DES: variants seen among roughly 807,000 people sequenced by gnomAD.
The protein encoded by DES is cardiomyopathy, dilated 1F (autosomal dominant).
Under a neutral mutation model 55.1 loss-of-function variants are expected in DES, and 34 were observed. The observed-to-expected ratio is 0.62, with a 90% CI of 0.47 to 0.82. The LOEUF is 0.82. Among genes scored for constraint, DES ranks in the 40% least tolerant of loss-of-function variants. The probability of loss-of-function intolerance (pLI) is 0.00; values close to 1 mark genes in which losing one functional copy is unlikely to be tolerated. For missense variants in DES, 596 were observed against 645.9 expected (o/e 0.92, Z 0.84); for synonymous variants, 259 against 270.8 (o/e 0.96, Z 0.43).
intron 7 of DES, among the ~76,000 whole-genome samples, chr2:219,424,669 C>A (rs895673648): frequency 6.6e-6 from 1 of 152,186 alleles, no homozygotes; most frequent in African/African-American, 2.4e-5. Context: ...TATACAGACA[C>A]CAAGTATGAG....
Position 219,426,259 on chromosome 2 carries a change from G to T in DES, c.*269G>T. ...AGTGAGCCTGGCTCTTGTGCTGGAT[G>T]GAGCCCAGGCGGGAGCGGTGGCCCT... On this transcript the variant is annotated 3_prime_UTR_variant, in exon 9 of 9. Transcript: ENST00000373960. This position sits in a 1 kb window ranked among gnomAD's most constrained non-coding sequence, Gnocchi z 4.5. The T allele has an allele frequency of 1.6e-6, 1 of 607,794 alleles. No individual in the cohort carries two copies. Among genetic ancestry groups the T allele is most frequent in the South Asian group, 1.9e-5 (1 of 53,970 alleles). 37.7% of individuals were successfully genotyped at this position (607,794 alleles called of 1,614,324 possible).
chr2:219,419,961 CT>C lies in DES; in HGVS notation c.579-133del. ...TGGGTGGGGCCTCTCCACTCCCTGT[CT>C]CTCCTGCCTCTACCCAGCAGCCAGG... On this transcript the variant is annotated intron_variant, in intron 1 of 8. Coordinates refer to ENST00000373960, the MANE Select transcript of DES (RefSeq NM_001927.4). The surrounding 1 kb of genome is among the most constrained non-coding windows in gnomAD (Gnocchi z 4.3). 1 of 915,480 alleles carries C rather than the reference CT, an allele frequency of 1.1e-6. No homozygotes were observed. Among genetic ancestry groups the C allele is most frequent in the African/African-American group, 1.6e-5 (1 of 61,170 alleles). The allele number at this position is 915,480 out of a possible 1,614,324, so 56.7% of individuals were successfully genotyped here. A position where few individuals can be genotyped will look rare whatever the true frequency, so the allele number is the denominator to read the frequency against.
In DES at chr2:219,420,575, C is replaced by T. The variant is rs759823001; in HGVS notation, c.816C>T (p.Ala272=). ...ACATGTCTAAGCCAGACCTCACTGC[C>T]GCCCTCAGGGACATCCGGGCTCAGT... is the stretch of plus-strand genomic sequence containing the variant. ...EMDMSKPDLT[A]ALRDIRAQYE... Residue 272 remains alanine (A), a synonymous_variant, in exon 4 of 9, where the codon GCC becomes GCT. Transcript: ENST00000373960. The surrounding 1 kb of genome is among the most constrained non-coding windows in gnomAD (Gnocchi z 6.0). 7.4e-6 allele frequency: 12 copies of T among 1,613,938 alleles called. No homozygotes were observed. The highest frequency in any genetic ancestry group is 2.7e-5 in the African/African-American group (2 of 74,980).
chr2:219,423,945 G>C, intron 7 of DES, 125 bp downstream of exon 7: 1 of 1,081,768 alleles, frequency 9.2e-7, no homozygotes, highest in Non-Finnish European at 1.4e-6. Context: ...GGAGTCTGGG[G>C]AAGAAAAAGG....
At chr2:219,424,178 C>G (rs1332340330) in intron 7 of DES, among the ~76,000 whole-genome samples, 1 of 152,236 alleles carries the variant, frequency 6.6e-6, no homozygotes, top group East Asian at 1.9e-4. Context: ...CACCTGCCCT[C>G]TAAGACACCC....
chr2:219,422,023 G>T (rs571890006), intron 6 of DES, among the ~76,000 whole-genome samples: 3 of 152,242 alleles, frequency 2.0e-5, no homozygotes, highest in Admixed American at 2.0e-4. Flanking sequence ...ATTAACCAAG[G>T]CCACCTGGGT....
chr2:219,424,130 A>T (rs1954494763), intron 7 of DES, among the ~76,000 whole-genome samples: 1 of 152,230 alleles, frequency 6.6e-6, no homozygotes, highest in South Asian at 2.1e-4. Flanking sequence ...TGAAAGCAGG[A>T]GTGTCCTTGG....
At chr2:219,421,249 A>T in intron 5 of DES, 91 bp from the exon 6 acceptor site, 1 of 1,387,768 alleles carries the variant, frequency 7.2e-7, no homozygotes, top group Non-Finnish European at 1.0e-6. Context: ...CCTGGACCTG[A>T]CCATCTGGAG....
Position 219,420,448 on chromosome 2 carries a change from G to A in DES, c.736-47G>A. On this transcript the variant is annotated intron_variant, in intron 3 of 8. Coordinates refer to ENST00000373960, the MANE Select transcript of DES (RefSeq NM_001927.4). The surrounding 1 kb of genome is among the most constrained non-coding windows in gnomAD (Gnocchi z 6.0). ...TGGCTGGGAATAGGGGTGTGAGGGT[G>A]CTGTGTGGGCCCTGAGAGGGGACTG... 1 of 1,613,494 alleles carries A rather than the reference G, an allele frequency of 6.2e-7. No individual in the cohort carries two copies. The highest frequency in any genetic ancestry group is 8.5e-7 in the Non-Finnish European group (1 of 1,179,646).
At chr2:219,421,292 G>A (rs759235297) in intron 5 of DES, 48 bp from the exon 6 acceptor site, 2 of 1,604,884 alleles carry the variant, frequency 1.2e-6, no homozygotes, top group Non-Finnish European at 1.7e-6. Flanking sequence ...TCTTTGGGCT[G>A]CTAGTGTCCT....
rs867868245 is a variant in DES, at chr2:219,426,017, C to T, written c.*27C>T. ...GACAGAGACCCTCTGCCACCAGAGA[C>T]CGTCCTCACCCCTGTCCTCACTGCT... On this transcript the variant is annotated 3_prime_UTR_variant, in exon 9 of 9. Coordinates refer to ENST00000373960, the MANE Select transcript of DES (RefSeq NM_001927.4). The surrounding 1 kb of genome is among the most constrained non-coding windows in gnomAD (Gnocchi z 4.5). 1 of 1,613,700 alleles carries T rather than the reference C, an allele frequency of 6.2e-7. No homozygotes were observed. The highest frequency in any genetic ancestry group is 8.5e-7 in the Non-Finnish European group (1 of 1,179,768).
chr2:219,422,399 A>G (rs183391053), intron 6 of DES, among the ~76,000 whole-genome samples: 94 of 152,244 alleles, frequency 6.2e-4, no homozygotes, highest in Non-Finnish European at 1.0e-3. Flanking sequence ...CTAGACACAG[A>G]AAACAACATA....
In DES at chr2:219,420,882, A is replaced by C. The variant is rs1442066273; in HGVS notation, c.952A>C (p.Lys318Gln). Reference sequence around the variant, plus strand: ...GAACAACGACGCCCTGCGCCAGGCCAAGCAGGAGATGATGGAATACCGACA... The same window carrying C: ...GAACAACGACGCCCTGCGCCAGGCCCAGCAGGAGATGATGGAATACCGACA... ...NKNNDALRQA[K>Q]QEMMEYRHQI... The change falls in exon 5 of 9, where the codon AAG becomes CAG. Residue 318 changes from lysine to glutamine, a missense_variant. Physicochemically the swap from Lys to Gln is moderately conservative, Grantham distance 53 (BLOSUM62 1). Transcript: ENST00000373960. This position sits in a 1 kb window ranked among gnomAD's most constrained non-coding sequence, Gnocchi z 6.0. 1.2e-6 allele frequency: 2 copies of C among 1,613,922 alleles called. No individual in the cohort carries two copies. The highest frequency in any genetic ancestry group is 1.7e-6 in the Non-Finnish European group (2 of 1,179,998).
rs540351476 is a variant in DES at position 219,426,102 on chromosome 2, C to G, written c.*112C>G. Reference sequence around the variant, plus strand: ...ACACCCAGCCTCAGTCCTCCCCTCACAGCCTCTGACCCCTCCTCACTGGCC... The same window carrying G: ...ACACCCAGCCTCAGTCCTCCCCTCAGAGCCTCTGACCCCTCCTCACTGGCC... On this transcript the variant is annotated 3_prime_UTR_variant, in exon 9 of 9. Transcript: ENST00000373960. The surrounding 1 kb of genome is among the most constrained non-coding windows in gnomAD (Gnocchi z 4.5). 101 of 1,214,958 alleles carry G rather than the reference C, an allele frequency of 8.3e-5. No homozygotes were observed. In the East Asian group the frequency reaches 2.1e-3, roughly 25 times the overall value. 75.3% of individuals were successfully genotyped at this position (1,214,958 alleles called of 1,614,324 possible).
chr2:219,424,053 C>G (rs971897105), intron 7 of DES, among the ~76,000 whole-genome samples: 2 of 152,186 alleles, frequency 1.3e-5, no homozygotes, highest in African/African-American at 4.8e-5. Context: ...TTGTATTTAC[C>G]ATGTCCCCTG....
rs750873616 is a variant in DES at position 219,419,402 on chromosome 2, A to T, written c.578+362A>T. ...GCAGAGGAAGGGCTGCAGGAGGCCC[A>T]GAGGGCAGTGTAGCCAGAGGGAGAA... On this transcript the variant is annotated intron_variant, in intron 1 of 8. Transcript: ENST00000373960. The surrounding 1 kb of genome is among the most constrained non-coding windows in gnomAD (Gnocchi z 4.3). Among the ~76,000 whole-genome samples, 13 of 152,028 alleles carry T rather than the reference A, an allele frequency of 8.6e-5. No homozygotes were observed. Among genetic ancestry groups the T allele is most frequent in the Non-Finnish European group, 1.0e-4 (7 of 67,982 alleles).
In DES at chr2:219,420,072, G is replaced by A. The variant is rs773962747; in HGVS notation, c.579-23G>A. On this transcript the variant is annotated intron_variant, in intron 1 of 8. Coordinates refer to ENST00000373960, the MANE Select transcript of DES (RefSeq NM_001927.4). This position sits in a 1 kb window ranked among gnomAD's most constrained non-coding sequence, Gnocchi z 6.0. ...CCAGCTTTATCACCCGCAACTGTCT[G>A]TCTTTCTGTCTGTCCCACCCAGGCT... 2.5e-6 allele frequency: 4 copies of A among 1,613,930 alleles called. No homozygotes were observed. Among genetic ancestry groups the A allele is most frequent in the Admixed American group, 1.7e-5 (1 of 59,990 alleles).
At chr2:219,424,518 C>T (rs780627711) in intron 7 of DES, among the ~76,000 whole-genome samples, 7 of 152,210 alleles carry the variant, frequency 4.6e-5, no homozygotes, top group Non-Finnish European at 8.8e-5. Flanking sequence ...AAAAAAAACA[C>T]GCTGCGCTCC....
At position 219,425,941 on chromosome 2, in the gene DES, C is replaced by T. The variant is rs794727968; in HGVS notation, c.1372-8C>T. The T allele has an allele frequency of 1.9e-6, 3 of 1,614,024 alleles. No individual in the cohort carries two copies. The highest frequency in any genetic ancestry group is 2.5e-6 in the Non-Finnish European group (3 of 1,179,984). ...ACATGGTTGGACTGGGCTTCTCTTC[C>T]TCCCCAGGTCGTCAGTGAGGCCACA... is the stretch of plus-strand genomic sequence containing the variant. On this transcript the variant is annotated splice_polypyrimidine_tract_variant and splice_region_variant and intron_variant, in intron 8 of 8. Transcript: ENST00000373960.
Sources: gnomAD v4.1 joint callset for allele counts (sites outside exome capture counted in the v4.1 genomes callset) on GRCh38, gnomAD v4.1.1 for gene constraint, Gnocchi (gnomAD v3.1) non-coding constraint, MANE v1.5 for transcripts, NCBI Gene and HGNC (gene_info 2026-07-23, HGNC 2026-07-21) for gene names.